The following HS6ST3 variants were observed in gnomAD, a reference collection of about 807,000 sequenced individuals.
HS6ST3 encodes heparan-sulfate 6-O-sulfotransferase 3.
HS6ST3 carries 12 observed loss-of-function variants against 36.7 expected under a neutral mutation model. The ratio of observed to expected loss-of-function variants is 0.33; its 90% CI spans 0.21 to 0.53. HS6ST3 has a LOEUF of 0.53. HS6ST3 is among the 20% of genes least tolerant of loss of function. The pLI is 0.95. For missense variants in HS6ST3, 584 were observed against 640.9 expected (o/e 0.91, Z 0.96); for synonymous variants, 240 against 257.5 (o/e 0.93, Z 0.65).
At chr13:96,119,634 G>A (rs878973872) in intron 1 of HS6ST3, among the ~76,000 whole-genome samples, 1 of 152,068 alleles carries the variant, frequency 6.6e-6, no homozygotes, top group Non-Finnish European at 1.5e-5. Flanking sequence ...AATTTGCATC[G>A]GATCTATCCC....
intron 1 of HS6ST3, among the ~76,000 whole-genome samples, chr13:96,681,259 G>A (rs953617470): frequency 1.3e-5 from 2 of 152,172 alleles, no homozygotes; most frequent in African/African-American, 2.4e-5. Context: ...TATGAAGCTT[G>A]TTTGCAACCA....
chr13:96,320,901 T>G (rs755313281), intron 1 of HS6ST3, among the ~76,000 whole-genome samples: 5 of 152,224 alleles, frequency 3.3e-5, no homozygotes, highest in Non-Finnish European at 7.3e-5. Context: ...TCAGATCAGA[T>G]TGGTGTGGTT....
At chr13:96,548,117 C>T (rs60518664) in intron 1 of HS6ST3, among the ~76,000 whole-genome samples, 10,849 of 152,162 alleles carry the variant, frequency 0.071, 435 homozygotes, top group Middle Eastern at 0.095. Flanking sequence ...CCGTGCCTCC[C>T]ACCTCCTTGG....
At chr13:96,820,567 C>G (rs567430594) in intron 1 of HS6ST3, among the ~76,000 whole-genome samples, 35 of 152,256 alleles carry the variant, frequency 2.3e-4, no homozygotes, top group African/African-American at 8.4e-4. Flanking sequence ...TTCCCACAAC[C>G]CTATGAAGTA....
At chr13:96,095,857 A>G (rs1473762542) in intron 1 of HS6ST3, among the ~76,000 whole-genome samples, 1 of 114,340 alleles carries the variant, frequency 8.7e-6, no homozygotes, top group East Asian at 2.5e-4. Flanking sequence ...AACCATTTAT[A>G]TGACTGGTGT....
intron 1 of HS6ST3, among the ~76,000 whole-genome samples, chr13:96,104,979 A>G (rs1052144001): frequency 6.6e-6 from 1 of 151,630 alleles, no homozygotes; most frequent in Non-Finnish European, 1.5e-5. Context: ...AGTTATCAAG[A>G]TTGGAAAGGA....
intron 1 of HS6ST3, among the ~76,000 whole-genome samples, chr13:96,326,446 C>T (rs1369879885): frequency 3.3e-5 from 5 of 150,688 alleles, no homozygotes; most frequent in South Asian, 2.1e-4. Context: ...TTTGTCCTTG[C>T]GATAGTTTGC....
At chr13:96,350,424 T>C (rs534865885) in intron 1 of HS6ST3, among the ~76,000 whole-genome samples, 55 of 152,348 alleles carry the variant, frequency 3.6e-4, no homozygotes, top group Non-Finnish European at 6.2e-4. Flanking sequence ...TTGTGATCAG[T>C]CACTTTGAAA....
intron 1 of HS6ST3, among the ~76,000 whole-genome samples, chr13:96,357,542 AT>A (rs1353385414): frequency 6.6e-6 from 1 of 151,878 alleles, no homozygotes; most frequent in African/African-American, 2.4e-5. Flanking sequence ...GAACACACAC[AT>A]TTCCTGATTA....
chr13:96,657,378 T>C (rs897832360), intron 1 of HS6ST3, among the ~76,000 whole-genome samples: 1 of 151,798 alleles, frequency 6.6e-6, no homozygotes, highest in Non-Finnish European at 1.5e-5. Flanking sequence ...CTGGGCAATA[T>C]AGGGAGGTGG....
At chr13:96,435,554 G>A (rs1370802881) in intron 1 of HS6ST3, among the ~76,000 whole-genome samples, 1 of 152,084 alleles carries the variant, frequency 6.6e-6, no homozygotes, top group Non-Finnish European at 1.5e-5. Flanking sequence ...ATAACTTAGG[G>A]CCATTATCTG....
intron 1 of HS6ST3, among the ~76,000 whole-genome samples, chr13:96,390,921 T>C (rs74106402): frequency 6.6e-6 from 1 of 152,316 alleles, no homozygotes; most frequent in African/African-American, 2.4e-5. Flanking sequence ...GCTTAAAAAC[T>C]GTCATTGTTT....
At chr13:96,769,771 T>C (rs898543649) in intron 1 of HS6ST3, among the ~76,000 whole-genome samples, 70 of 141,146 alleles carry the variant, frequency 5.0e-4, no homozygotes, top group South Asian at 3.3e-3. Flanking sequence ...TGTGTGTGTG[T>C]GTGCGCACAT....
intron 1 of HS6ST3, among the ~76,000 whole-genome samples, chr13:96,179,458 C>T (rs1302237423): frequency 2.6e-5 from 4 of 152,176 alleles, no homozygotes; most frequent in Non-Finnish European, 5.9e-5. Flanking sequence ...TGGAGTCATT[C>T]ATTTATTTAC....
intron 1 of HS6ST3, among the ~76,000 whole-genome samples, chr13:96,378,225 G>C (rs1925134): frequency 0.85 from 129,129 of 152,082 alleles, 55,195 homozygotes; most frequent in South Asian, 0.91. Context: ...GAATGAGATG[G>C]TATCCCCACC....
chr13:96,259,292 A>G (rs1033539476), intron 1 of HS6ST3, among the ~76,000 whole-genome samples: 2 of 152,096 alleles, frequency 1.3e-5, no homozygotes, highest in African/African-American at 4.8e-5. Flanking sequence ...CCTAAACCTT[A>G]TCTTAAAGAC....
chr13:96,533,711 C>T (rs938295468), intron 1 of HS6ST3, among the ~76,000 whole-genome samples: 16 of 152,098 alleles, frequency 1.1e-4, no homozygotes, highest in African/African-American at 2.7e-4. Flanking sequence ...ACTAAGTGCT[C>T]GGTATTAAAG....
chr13:96,388,101 G>A (rs2055377557), intron 1 of HS6ST3, among the ~76,000 whole-genome samples: 1 of 152,206 alleles, frequency 6.6e-6, no homozygotes, highest in South Asian at 2.1e-4. Context: ...GAAAATAAAT[G>A]TCAAGGTATT....
chr13:96,707,897 A>G (rs1035002797), intron 1 of HS6ST3, among the ~76,000 whole-genome samples: 15 of 152,228 alleles, frequency 9.9e-5, no homozygotes, highest in Admixed American at 9.8e-4. Context: ...CTGAATGAGA[A>G]GTTAATAGTG....
Sources: allele counts gnomAD v4.1 joint callset (sites outside exome capture counted in the v4.1 genomes callset), GRCh38; gene constraint gnomAD v4.1.1; transcripts MANE v1.5; gene names NCBI Gene and HGNC (gene_info 2026-07-23, HGNC 2026-07-21).